Variants in KCNMB1 observed in about 807,000 individuals in gnomAD.
KCNMB1 encodes the protein potassium calcium-activated channel subfamily M regulatory beta subunit 1, also known as calcium-activated potassium channel subunit beta-1.
In KCNMB1, 22 loss-of-function variants were observed where a neutral mutation model predicts 21.7. The observed-to-expected ratio is 1.01, with a 90% CI of 0.72 to 1.45. The LOEUF (loss-of-function observed/expected upper bound fraction) is 1.45. Among genes scored for constraint, KCNMB1 ranks in the 40% most tolerant of loss-of-function variants. KCNMB1 has a pLI of 0.00. For synonymous variants in KCNMB1, 114 were observed against 107.6 expected, an observed-to-expected ratio of 1.06 and a Z score of -0.37; for missense variants, 243 against 243.4, an observed-to-expected ratio of 1.00 and a Z score of 0.01.
At chr5:170,384,336 A>G (rs1317536211) in intron 2 of KCNMB1, among the ~76,000 whole-genome samples, 1 of 152,230 alleles carries the variant, frequency 6.6e-6, no homozygotes, top group African/African-American at 2.4e-5. Context: ...CAGGACCTGA[A>G]GCTAGGTCTG....
At chr5:170,386,342 A>G (rs1367779344) in intron 1 of KCNMB1, among the ~76,000 whole-genome samples, 1 of 152,190 alleles carries the variant, frequency 6.6e-6, no homozygotes, top group Non-Finnish European at 1.5e-5. Context: ...TGGCGGGGGC[A>G]AGGAACAATG....
At chr5:170,380,871 G>C (rs767950318) in intron 3 of KCNMB1, among the ~76,000 whole-genome samples, 26 of 152,178 alleles carry the variant, frequency 1.7e-4, no homozygotes, top group Non-Finnish European at 3.1e-4. Flanking sequence ...CTTGTAAAAT[G>C]GGTTTGTGAG....
intron 2 of KCNMB1, 143 bp downstream of exon 2, chr5:170,385,171 A>G: frequency 2.2e-6 from 2 of 909,414 alleles, no homozygotes; most frequent in South Asian, 1.5e-5. Flanking sequence ...CTTGAACCCT[A>G]GAACCTAAGA....
chr5:170,386,879 C>T (rs915406698), intron 1 of KCNMB1, among the ~76,000 whole-genome samples: 2 of 151,904 alleles, frequency 1.3e-5, no homozygotes, highest in Non-Finnish European at 2.9e-5. Flanking sequence ...TTGTTTTTCC[C>T]CTGGACATTG....
At chr5:170,379,952 A>C (rs1013913536) in intron 3 of KCNMB1, among the ~76,000 whole-genome samples, 1 of 130,708 alleles carries the variant, frequency 7.7e-6, no homozygotes, top group Non-Finnish European at 1.6e-5. Context: ...ATCCCATTTC[A>C]AAAAAAAAAA....
At chr5:170,385,617 C>G (rs1217687230) in intron 1 of KCNMB1, 146 bp from the exon 2 acceptor site, 1 of 772,274 alleles carries the variant, frequency 1.3e-6, no homozygotes, top group Non-Finnish European at 2.1e-6. Flanking sequence ...AGAAGTCTTG[C>G]TTTTTGGACC....
chr5:170,383,679 C>A lies in KCNMB1; in HGVS notation c.306G>T (p.Gln102His). The part of the protein sequence containing the change: ...HTEDTRDQNQ[Q>H]CSYIPGSVDN... ...TGTCCCCATCCCTCCAGTTCAGTAC[C>A]TGCTGGTTCTGGTCCCGAGTGTCCT... is the stretch of plus-strand genomic sequence containing the variant. Residue 102 changes from glutamine to histidine, a missense_variant and splice_region_variant, in exon 3 of 4, where the codon CAG becomes CAT. By Grantham distance (24) the Gln-to-His change is conservative. Transcript: ENST00000274629. 6.2e-7 allele frequency: 1 copy of A among 1,614,142 alleles called. No homozygotes were observed. The highest frequency in any genetic ancestry group is 1.3e-5 in the African/African-American group (1 of 75,026).
intron 2 of KCNMB1, among the ~76,000 whole-genome samples, chr5:170,385,083 T>G (rs1333344104): frequency 1.3e-5 from 2 of 152,180 alleles, no homozygotes; most frequent in Admixed American, 1.3e-4. Context: ...TACCACCACG[T>G]CCTAGATCAT....
intron 3 of KCNMB1, chr5:170,383,400 A>G: frequency 1.7e-6 from 1 of 599,472 alleles, no homozygotes; most frequent in Non-Finnish European, 3.0e-6. Context: ...ACAGCTCTTC[A>G]AGGTGCAGCA....
chr5:170,387,069 T>C (rs1210399689), intron 1 of KCNMB1, among the ~76,000 whole-genome samples: 1 of 152,192 alleles, frequency 6.6e-6, no homozygotes, highest in Non-Finnish European at 1.5e-5. Flanking sequence ...CAAGCTGTCC[T>C]AGAGCCTCTG....
intron 2 of KCNMB1, among the ~76,000 whole-genome samples, 179 bp downstream of exon 2, chr5:170,385,135 G>A (rs934960174): frequency 7.9e-5 from 12 of 152,186 alleles, no homozygotes; most frequent in Admixed American, 2.0e-4. Context: ...GACCAGTGGG[G>A]CTCAGTTCAT....
intron 3 of KCNMB1, among the ~76,000 whole-genome samples, chr5:170,381,709 G>A (rs951393046): frequency 1.3e-5 from 2 of 152,232 alleles, no homozygotes; most frequent in Non-Finnish European, 2.9e-5. Flanking sequence ...TCATTCAGGG[G>A]ATGCTCCTCT....
chr5:170,380,680 C>T (rs1764203618), intron 3 of KCNMB1, among the ~76,000 whole-genome samples: 1 of 152,234 alleles, frequency 6.6e-6, no homozygotes, highest in Non-Finnish European at 1.5e-5. Context: ...CTGCCAGGTC[C>T]TCAGTAGCAT....
At chr5:170,384,042 T>C (rs1764366126) in intron 2 of KCNMB1, among the ~76,000 whole-genome samples, 192 bp from the exon 3 acceptor site, 1 of 152,176 alleles carries the variant, frequency 6.6e-6, no homozygotes, top group African/African-American at 2.4e-5. Context: ...TTGTAGAAGC[T>C]GGATGGGGTC....
chr5:170,380,672 G>A (rs1450922455), intron 3 of KCNMB1, among the ~76,000 whole-genome samples: 2 of 152,248 alleles, frequency 1.3e-5, no homozygotes, highest in Non-Finnish European at 2.9e-5. Flanking sequence ...GTTGGACACT[G>A]CCAGGTCCTC....
chr5:170,379,942 A>T (rs1271406660), intron 3 of KCNMB1, among the ~76,000 whole-genome samples: 2 of 150,564 alleles, frequency 1.3e-5, no homozygotes, highest in Non-Finnish European at 3.0e-5. Flanking sequence ...ACAAAGCGAG[A>T]TCCCATTTCA....
At chr5:170,389,082 A>C (rs909212444) in intron 1 of KCNMB1, among the ~76,000 whole-genome samples, 177 bp downstream of exon 1, 1 of 151,874 alleles carries the variant, frequency 6.6e-6, no homozygotes, top group African/African-American at 2.4e-5. Context: ...CCACTGTGCC[A>C]CCCTCCCCAC....
At chr5:170,385,217 G>T (rs1415997828) in intron 2 of KCNMB1, 97 bp downstream of exon 2, 1 of 1,330,814 alleles carries the variant, frequency 7.5e-7, no homozygotes, top group East Asian at 2.3e-5. Context: ...CTTGAATGAG[G>T]GTCAAGGAGA....
At position 170,377,403 on chromosome 5, in the gene KCNMB1, A is replaced by T. The variant is rs530306421; in HGVS notation, c.*1301T>A. ...CTTGGACAGTCATCGTTCTAGGAAA[A>T]CTTCCTGGAGTGGGAATGGTAAAGG... On this transcript the variant is annotated 3_prime_UTR_variant, in exon 4 of 4. Coordinates refer to ENST00000274629, the MANE Select transcript of KCNMB1 (RefSeq NM_004137.4). 6 of 152,178 alleles carry T rather than the reference A, an allele frequency of 3.9e-5. No individual in the cohort carries two copies. The highest frequency in any genetic ancestry group is 3.9e-4 in the Admixed American group (6 of 15,290). The allele number at this position is 152,178 out of a possible 1,614,324, so 9.4% of individuals were successfully genotyped here.
Sources: gnomAD v4.1 joint callset for allele counts (sites outside exome capture counted in the v4.1 genomes callset) on GRCh38, gnomAD v4.1.1 for gene constraint, MANE v1.5 for transcripts, NCBI Gene and HGNC (gene_info 2026-07-23, HGNC 2026-07-21) for gene names.